SAMD12: variants seen among roughly 807,000 people sequenced by gnomAD.
The protein encoded by SAMD12 is sterile alpha motif domain containing 12.
A neutral mutation model predicts 15.0 loss-of-function variants in SAMD12; 9 were observed. That is an observed-to-expected ratio of 0.60 (90% CI 0.36 to 1.05). SAMD12 has a LOEUF of 1.05. Ranked by LOEUF, SAMD12 falls within the 50% of genes least tolerant of loss-of-function variation. SAMD12 has a pLI of 0.01. For missense variants in SAMD12, 230 were observed against 234.2 expected (o/e 0.98, Z 0.12); for synonymous variants, 86 against 90.1 (o/e 0.96, Z 0.25).
chr8:118,299,812 C>T (rs561197551), intron 4 of SAMD12, among the ~76,000 whole-genome samples: 1 of 152,168 alleles, frequency 6.6e-6, no homozygotes, highest in African/African-American at 2.4e-5. Context: ...AGGCTGAGTC[C>T]ACCTAAACCA....
intron 1 of SAMD12, among the ~76,000 whole-genome samples, chr8:118,596,839 A>G (rs112668549): frequency 1.3e-4 from 20 of 152,338 alleles, no homozygotes; most frequent in Middle Eastern, 3.4e-3. Flanking sequence ...GAGAAGACAG[A>G]TATCACACAA....
chr8:118,516,642 T>C (rs1265683502), intron 2 of SAMD12, among the ~76,000 whole-genome samples: 1 of 151,372 alleles, frequency 6.6e-6, no homozygotes, highest in Non-Finnish European at 1.5e-5. Flanking sequence ...TTCTTTCTTT[T>C]TTTTTTTTTG....
intron 3 of SAMD12, among the ~76,000 whole-genome samples, chr8:118,439,122 G>C (rs1018777804): frequency 2.0e-5 from 3 of 152,114 alleles, no homozygotes; most frequent in Non-Finnish European, 2.9e-5. Flanking sequence ...GCCCCTTTAT[G>C]GTTCACTATC....
chr8:118,284,590 A>G, intron 4 of SAMD12: 1 of 317,812 alleles, frequency 3.1e-6, no homozygotes, highest in East Asian at 8.9e-5. Context: ...GCCAGAGGTG[A>G]CATATATACA....
chr8:118,578,242 CATTGCATTA>C (rs1827199616), intron 2 of SAMD12, among the ~76,000 whole-genome samples: 1 of 152,148 alleles, frequency 6.6e-6, no homozygotes, highest in Non-Finnish European at 1.5e-5. Flanking sequence ...AATTATATCC[CATTGCATTA>C]ATACACAGTT....
chr8:118,209,885 C>T (rs540428522), intron 4 of SAMD12, among the ~76,000 whole-genome samples: 1 of 152,142 alleles, frequency 6.6e-6, no homozygotes, highest in Non-Finnish European at 1.5e-5. Flanking sequence ...TGGCCAATAC[C>T]CTGGAGAGCC....
intron 3 of SAMD12, among the ~76,000 whole-genome samples, chr8:118,408,627 GC>G (rs1435855046): frequency 6.6e-6 from 1 of 152,002 alleles, no homozygotes; most frequent in Non-Finnish European, 1.5e-5. Flanking sequence ...AATACTAACT[GC>G]TTTTAGTTTT....
intron 4 of SAMD12, among the ~76,000 whole-genome samples, chr8:118,222,029 G>A (rs1812092501): frequency 6.6e-6 from 1 of 152,272 alleles, no homozygotes; most frequent in Admixed American, 6.5e-5. Context: ...ATGAAGGCCC[G>A]AATCATGGCA....
rs112988159 is a variant in SAMD12 at position 118,418,167 on chromosome 8, C to T, written c.322+21665G>A. 3.2e-3 allele frequency among the ~76,000 whole-genome samples: 490 copies of T among 152,274 alleles called. 1 individual carries two copies. Among genetic ancestry groups the T allele is most frequent in the Non-Finnish European group, 5.5e-3 (371 of 68,016 alleles). On this transcript the variant is annotated intron_variant, in intron 3 of 3. Transcript: ENST00000314727. ...CAAATAAACGAATGCATACTTGTAA[C>T]ATTTATCTTTTTAAACTATGAAGTT...
At chr8:118,298,819 ATAAC>A (rs1814864788) in intron 4 of SAMD12, among the ~76,000 whole-genome samples, 1 of 152,230 alleles carries the variant, frequency 6.6e-6, no homozygotes, top group Admixed American at 6.5e-5. Context: ...ATAGCAATAA[ATAAC>A]TATAAATTGA....
At chr8:118,619,468 G>A (rs1252056964) in intron 1 of SAMD12, among the ~76,000 whole-genome samples, 4 of 103,346 alleles carry the variant, frequency 3.9e-5, no homozygotes, top group African/African-American at 1.6e-4. Context: ...GACAGAGCAA[G>A]ACTCTGTCTC....
intron 2 of SAMD12, among the ~76,000 whole-genome samples, chr8:118,542,327 AT>A (rs1826008324): frequency 6.6e-6 from 1 of 152,210 alleles, no homozygotes; most frequent in Non-Finnish European, 1.5e-5. Context: ...ATTTCCATTA[AT>A]TTTCCAAATA....
chr8:118,415,064 T>A (rs926216437), intron 3 of SAMD12, among the ~76,000 whole-genome samples: 2 of 152,114 alleles, frequency 1.3e-5, no homozygotes, highest in African/African-American at 4.8e-5. Flanking sequence ...AATAACTGGG[T>A]GGATAAGGGA....
chr8:118,343,641 G>A (rs1028426072), intron 4 of SAMD12, among the ~76,000 whole-genome samples: 1 of 152,176 alleles, frequency 6.6e-6, no homozygotes, highest in African/African-American at 2.4e-5. Context: ...CAAGCACTTT[G>A]CTTGCCTTAC....
At chr8:118,364,817 A>G (rs1179476777) in intron 4 of SAMD12, among the ~76,000 whole-genome samples, 1 of 152,078 alleles carries the variant, frequency 6.6e-6, no homozygotes, top group African/African-American at 2.4e-5. Flanking sequence ...CCGTTTTTCA[A>G]TCTATTACCA....
At chr8:118,491,834 T>C (rs74592788) in intron 2 of SAMD12, among the ~76,000 whole-genome samples, 9,949 of 152,222 alleles carry the variant, frequency 0.065, 650 homozygotes, top group African/African-American at 0.16. Flanking sequence ...CACAATTTGT[T>C]GATCTATTCT....
At chr8:118,450,984 CT>C (rs1456955768) in intron 2 of SAMD12, among the ~76,000 whole-genome samples, 3 of 152,170 alleles carry the variant, frequency 2.0e-5, no homozygotes, top group African/African-American at 7.2e-5. Flanking sequence ...CGATATCATT[CT>C]AATGATATTC....
At chr8:118,356,058 AAGT>A (rs1818210633) in intron 4 of SAMD12, among the ~76,000 whole-genome samples, 1 of 152,242 alleles carries the variant, frequency 6.6e-6, no homozygotes, top group Non-Finnish European at 1.5e-5. Context: ...GTGTTCTTAG[AAGT>A]AGAACCATTT....
At chr8:118,437,107 C>T (rs1822599211) in intron 3 of SAMD12, among the ~76,000 whole-genome samples, 1 of 152,206 alleles carries the variant, frequency 6.6e-6, no homozygotes, top group Admixed American at 6.5e-5. Flanking sequence ...TTGCCCTGTT[C>T]ATCACAGCCT....
Sources: allele counts gnomAD v4.1 joint callset (sites outside exome capture counted in the v4.1 genomes callset), GRCh38; gene constraint gnomAD v4.1.1; transcripts MANE v1.5; gene names NCBI Gene and HGNC (gene_info 2026-07-23, HGNC 2026-07-21).